The following CARMIL1 variants were observed in gnomAD, a reference collection of about 807,000 sequenced individuals.
CARMIL1 encodes the protein F-actin-uncapping protein LRRC16A.
A neutral mutation model predicts 177.1 loss-of-function variants in CARMIL1; 90 were observed. The observed-to-expected ratio is 0.51, with a 90% CI of 0.43 to 0.61. CARMIL1 has a LOEUF of 0.61. Ranked by LOEUF, CARMIL1 falls within the 20% of genes least tolerant of loss-of-function variation. The probability of loss-of-function intolerance (pLI) is 0.00; values close to 1 mark genes in which losing one functional copy is unlikely to be tolerated. For missense variants in CARMIL1, 1,380 were observed against 1,667.0 expected (o/e 0.83, Z 3.00); for synonymous variants, 577 against 606.2 (o/e 0.95, Z 0.71).
intron 2 of CARMIL1, among the ~76,000 whole-genome samples, chr6:25,349,974 G>T (rs1010873755): frequency 6.6e-6 from 1 of 152,032 alleles, no homozygotes; most frequent in Non-Finnish European, 1.5e-5. Context: ...TGATCCGCCC[G>T]CCTTAGCCTC....
chr6:25,368,489 G>A (rs1790068422), intron 2 of CARMIL1, among the ~76,000 whole-genome samples: 1 of 152,150 alleles, frequency 6.6e-6, no homozygotes. Flanking sequence ...CTCCTGATAA[G>A]CACCAGCTAC....
chr6:25,529,936 T>A (rs958913822), intron 24 of CARMIL1, among the ~76,000 whole-genome samples: 6 of 151,980 alleles, frequency 3.9e-5, no homozygotes, highest in African/African-American at 1.2e-4. Flanking sequence ...CTTTATAGCT[T>A]ATAATAAAAA....
chr6:25,422,370 C>T (rs1795932205), intron 3 of CARMIL1, among the ~76,000 whole-genome samples: 1 of 152,134 alleles, frequency 6.6e-6, no homozygotes, highest in Admixed American at 6.5e-5. Context: ...TGAAATGGAT[C>T]TTTTGGGACT....
At chr6:25,551,598 T>C (rs867260253) in intron 27 of CARMIL1, among the ~76,000 whole-genome samples, 5 of 152,172 alleles carry the variant, frequency 3.3e-5, no homozygotes, top group African/African-American at 1.2e-4. Context: ...TTTGAAAAAG[T>C]TTGAAAAATA....
Position 25,420,261 on chromosome 6 carries a change from C to T in CARMIL1, c.189+97C>T. The T allele has an allele frequency of 3.7e-6, 4 of 1,075,830 alleles. No individual in the cohort carries two copies. The South Asian group carries it at 5.0e-5, about 14-fold the overall frequency. 66.6% of individuals were successfully genotyped at this position (1,075,830 alleles called of 1,614,324 possible). ...ATTCTTACATGTGTGCACACATATT[C>T]CTTCATATACTGCAACACAACACAC... On this transcript the variant is annotated intron_variant, in intron 3 of 36. Coordinates refer to ENST00000329474, the MANE Select transcript of CARMIL1 (RefSeq NM_017640.6).
intron 2 of CARMIL1, among the ~76,000 whole-genome samples, chr6:25,390,320 A>ATTTTTTTT (rs1287414586): frequency 1.4e-4 from 8 of 58,102 alleles, no homozygotes; most frequent in South Asian, 6.4e-4. Context: ...ATATATATAT[A>ATTTTTTTT]TTTTTTTTTT....
intron 12 of CARMIL1, among the ~76,000 whole-genome samples, chr6:25,485,060 A>T (rs1802495668): frequency 6.6e-6 from 1 of 152,160 alleles, no homozygotes; most frequent in South Asian, 2.1e-4. Context: ...AAACAAAAAA[A>T]TGATTATATT....
chr6:25,607,243 A>T (rs951437327), intron 35 of CARMIL1, among the ~76,000 whole-genome samples: 3 of 151,972 alleles, frequency 2.0e-5, no homozygotes, highest in Admixed American at 2.0e-4. Context: ...ACTTACCATT[A>T]TAAGAATTTT....
At chr6:25,547,026 C>G (rs920545555) in intron 26 of CARMIL1, among the ~76,000 whole-genome samples, 1 of 152,034 alleles carries the variant, frequency 6.6e-6, no homozygotes, top group Non-Finnish European at 1.5e-5. Context: ...CCACTGCACT[C>G]CAGCCTGGGT....
chr6:25,604,190 G>T (rs1375541408), intron 33 of CARMIL1, among the ~76,000 whole-genome samples: 1 of 152,162 alleles, frequency 6.6e-6, no homozygotes, highest in Admixed American at 6.5e-5. Context: ...TGATCCTCCT[G>T]CCTCAGCCTC....
At chr6:25,550,876 A>G (rs747252447) in intron 26 of CARMIL1, 34 bp from the exon 27 acceptor site, 2 of 1,590,924 alleles carry the variant, frequency 1.3e-6, no homozygotes, top group South Asian at 1.1e-5. Context: ...GTGCAGTGTC[A>G]TCATCTCTTC....
chr6:25,514,550 CAAA>C (rs66490833), intron 20 of CARMIL1, among the ~76,000 whole-genome samples: 5 of 84,192 alleles, frequency 5.9e-5, no homozygotes, highest in African/African-American at 9.1e-5. Flanking sequence ...GACCTTGTCT[CAAA>C]AAAAAAAAAA....
chr6:25,535,422 G>A (rs1028443843), intron 24 of CARMIL1, among the ~76,000 whole-genome samples: 2 of 152,294 alleles, frequency 1.3e-5, no homozygotes, highest in Middle Eastern at 3.4e-3. Flanking sequence ...TTCTCAAGGG[G>A]AAGATATGGG....
rs1562290278 is a variant in CARMIL1, at chr6:25,564,511, ACT to A, written c.2742+7664_2742+7665del. On this transcript the variant is annotated intron_variant, in intron 29 of 36. Coordinates refer to ENST00000329474, the MANE Select transcript of CARMIL1 (RefSeq NM_017640.6). ...TACTGTCTATACCACTATTATTGTC[ACT>A]CTGTTTTATCTTAAAGTGCAATTGT... Among the ~76,000 whole-genome samples, 8 of 152,172 alleles carry A rather than the reference ACT, an allele frequency of 5.3e-5. No individual in the cohort carries two copies. The South Asian group carries it at 1.0e-3, about 20-fold the overall frequency.
chr6:25,598,517 G>C (rs1218310867), intron 32 of CARMIL1, among the ~76,000 whole-genome samples: 1 of 152,062 alleles, frequency 6.6e-6, no homozygotes, highest in Non-Finnish European at 1.5e-5. Flanking sequence ...GGGATTATAG[G>C]CATGAACTAC....
intron 2 of CARMIL1, among the ~76,000 whole-genome samples, chr6:25,395,417 A>T (rs72830758): frequency 0.14 from 20,728 of 152,190 alleles, 1,621 homozygotes; most frequent in East Asian, 0.32. Context: ...TGGACTATGC[A>T]AATCTTTTCA....
chr6:25,462,673 G>T (rs1018822273), intron 8 of CARMIL1, among the ~76,000 whole-genome samples: 18 of 152,104 alleles, frequency 1.2e-4, no homozygotes, highest in African/African-American at 4.3e-4. Flanking sequence ...CTTTTAAGCC[G>T]GTGAGCCATT....
chr6:25,344,110 T>C (rs1029281657), intron 2 of CARMIL1, among the ~76,000 whole-genome samples: 1 of 152,154 alleles, frequency 6.6e-6, no homozygotes, highest in Admixed American at 6.5e-5. Flanking sequence ...GTTCACTCCA[T>C]CCCACGGTCA....
intron 12 of CARMIL1, 120 bp downstream of exon 12, chr6:25,482,463 G>A: frequency 1.9e-6 from 1 of 521,204 alleles, no homozygotes; most frequent in Non-Finnish European, 3.3e-6. Flanking sequence ...TAAAATATAT[G>A]TATTATATTA....
Sources: gnomAD v4.1 joint callset for allele counts (sites outside exome capture counted in the v4.1 genomes callset) on GRCh38, gnomAD v4.1.1 for gene constraint, MANE v1.5 for transcripts, NCBI Gene and HGNC (gene_info 2026-07-23, HGNC 2026-07-21) for gene names.